Variants in KLHL1 observed in about 807,000 individuals in gnomAD.
The protein encoded by KLHL1 is kelch-like protein 1.
KLHL1 carries 47 observed loss-of-function variants against 77.7 expected under a neutral mutation model. The ratio of observed to expected loss-of-function variants is 0.60; its 90% CI spans 0.48 to 0.77. The LOEUF is 0.77. Among genes scored for constraint, KLHL1 ranks in the 30% least tolerant of loss-of-function variants. The probability of loss-of-function intolerance (pLI) is 0.00; values close to 1 mark genes in which losing one functional copy is unlikely to be tolerated. For synonymous variants in KLHL1, 360 were observed against 325.2 expected (o/e 1.11, Z -1.15); for missense variants, 925 against 910.8 (o/e 1.02, Z -0.20).
intron 1 of KLHL1, among the ~76,000 whole-genome samples, chr13:69,984,418 C>T (rs974743517): frequency 2.6e-5 from 4 of 152,098 alleles, no homozygotes; most frequent in Non-Finnish European, 5.9e-5. Context: ...ATTTTCATTG[C>T]CAACCACGTG....
intron 9 of KLHL1, among the ~76,000 whole-genome samples, chr13:69,710,666 AAAATG>A (rs1423297156): frequency 6.6e-6 from 1 of 152,160 alleles, no homozygotes; most frequent in Non-Finnish European, 1.5e-5. Flanking sequence ...TATTATCCCC[AAAATG>A]AAATAAGCAA....
chr13:69,750,775 GA>G (rs1874442635), intron 7 of KLHL1, among the ~76,000 whole-genome samples: 1 of 151,758 alleles, frequency 6.6e-6, no homozygotes. Context: ...TTGAGCCATA[GA>G]AAAAAATGTA....
In KLHL1 at chr13:69,931,748, G is replaced by T. The variant is rs142112795; in HGVS notation, c.1014+8292C>A. ...GAAATAAACAAAAATATTGAACACA[G>T]ACACTGAGTAGAAAATAAATCCATT... On this transcript the variant is annotated intron_variant, in intron 4 of 10. Coordinates refer to ENST00000377844, the MANE Select transcript of KLHL1 (RefSeq NM_020866.3). Among the ~76,000 whole-genome samples, 1,014 of 151,668 alleles carry T rather than the reference G, an allele frequency of 6.7e-3. 10 individuals carry two copies. Among genetic ancestry groups the T allele is most frequent in the African/African-American group, 0.021 (859 of 41,470 alleles).
intron 2 of KLHL1, among the ~76,000 whole-genome samples, chr13:69,972,491 A>C (rs1884414540): frequency 6.6e-6 from 1 of 151,866 alleles, no homozygotes; most frequent in African/African-American, 2.4e-5. Flanking sequence ...AACATATTGC[A>C]TGCTTGCTGT....
intron 4 of KLHL1, among the ~76,000 whole-genome samples, chr13:69,897,374 T>C (rs1356942307): frequency 6.6e-6 from 1 of 152,186 alleles, no homozygotes; most frequent in Non-Finnish European, 1.5e-5. Context: ...AAATGATGCT[T>C]TCAGTTAGCT....
intron 6 of KLHL1, among the ~76,000 whole-genome samples, chr13:69,801,701 TAAGAC>T (rs1237646674): frequency 2.6e-5 from 4 of 152,164 alleles, no homozygotes; most frequent in Admixed American, 6.6e-5. Context: ...CTATTTGATA[TAAGAC>T]AACATAGGAT....
At chr13:69,724,297 T>G (rs1418134568) in intron 8 of KLHL1, among the ~76,000 whole-genome samples, 1 of 152,122 alleles carries the variant, frequency 6.6e-6, no homozygotes, top group Non-Finnish European at 1.5e-5. Context: ...CTGACCACCT[T>G]GGGCACATGT....
chr13:69,798,132 T>C (rs1478738671), intron 6 of KLHL1, among the ~76,000 whole-genome samples: 1 of 152,200 alleles, frequency 6.6e-6, no homozygotes, highest in Non-Finnish European at 1.5e-5. Flanking sequence ...GATCTTGATG[T>C]AGTGTTTGAC....
intron 7 of KLHL1, among the ~76,000 whole-genome samples, chr13:69,764,044 C>T (rs565630504): frequency 6.6e-6 from 1 of 152,100 alleles, no homozygotes. Context: ...AGAATGACAT[C>T]TATGCCTGAA....
At chr13:69,971,297 T>TATCATC (rs577770091) in intron 2 of KLHL1, among the ~76,000 whole-genome samples, 11 of 151,766 alleles carry the variant, frequency 7.2e-5, no homozygotes, top group Non-Finnish European at 1.2e-4. Flanking sequence ...GAGTGTTAAC[T>TATCATC]ATCATCATCA....
At position 69,760,853 on chromosome 13, in the gene KLHL1, T is replaced by C. The variant is rs981538; in HGVS notation, c.1640-20297A>G. On this transcript the variant is annotated intron_variant, in intron 7 of 10. Transcript: ENST00000377844. Reference sequence around the variant, plus strand: ...AAAATACAATATAGTTTATTTTGAATGTCCCACTGTAATTTTAAATTATCT... The same window carrying C: ...AAAATACAATATAGTTTATTTTGAACGTCCCACTGTAATTTTAAATTATCT... Among the ~76,000 whole-genome samples the C allele has an allele frequency of 9.5e-3, 1,453 of 152,292 alleles. 25 individuals are homozygous for C. The highest frequency in any genetic ancestry group is 0.033 in the African/African-American group (1,366 of 41,564).
chr13:70,004,183 T>C (rs572748025), intron 1 of KLHL1, among the ~76,000 whole-genome samples: 2 of 151,834 alleles, frequency 1.3e-5, no homozygotes, highest in African/African-American at 4.8e-5. Context: ...TGAATATAAA[T>C]GGAAGGTCAG....
chr13:70,014,656 T>A (rs1433669240), intron 1 of KLHL1, among the ~76,000 whole-genome samples: 1 of 152,176 alleles, frequency 6.6e-6, no homozygotes, highest in Non-Finnish European at 1.5e-5. Context: ...GTTATTCCAA[T>A]TGCTGTAGGA....
chr13:69,736,276 CAT>C (rs1471106066), intron 8 of KLHL1, among the ~76,000 whole-genome samples: 3 of 152,008 alleles, frequency 2.0e-5, no homozygotes, highest in African/African-American at 7.2e-5. Flanking sequence ...GAGGAACAAA[CAT>C]ATGAAAAAAT....
chr13:70,029,185 T>C (rs1320136620), intron 1 of KLHL1, among the ~76,000 whole-genome samples: 2 of 152,082 alleles, frequency 1.3e-5, no homozygotes, highest in African/African-American at 4.8e-5. Context: ...GTGGAGACTA[T>C]TGTGAGATCT....
chr13:70,017,007 A>T (rs961224690), intron 1 of KLHL1, among the ~76,000 whole-genome samples: 21 of 152,158 alleles, frequency 1.4e-4, no homozygotes, highest in Admixed American at 7.9e-4. Flanking sequence ...CTGAACACTT[A>T]TATGGACAAC....
At chr13:69,995,711 A>G (rs1885134391) in intron 1 of KLHL1, among the ~76,000 whole-genome samples, 2 of 152,172 alleles carry the variant, frequency 1.3e-5, no homozygotes, top group South Asian at 4.1e-4. Context: ...AATATCCAGC[A>G]GCAGAGACTA....
In KLHL1 at chr13:69,952,253, A is replaced by T. The variant is rs990453493; in HGVS notation, c.817+9055T>A. On this transcript the variant is annotated intron_variant, in intron 3 of 10. Transcript: ENST00000377844. Reference sequence around the variant, plus strand: ...CAGAGTGCATAGCCCAGGAAAACACATGAAAATAATCAATGGCATATGTTT... The same window carrying T: ...CAGAGTGCATAGCCCAGGAAAACACTTGAAAATAATCAATGGCATATGTTT... 2.6e-5 allele frequency among the ~76,000 whole-genome samples: 4 copies of T among 151,628 alleles called. 1 individual carries two copies. The South Asian group carries it at 8.3e-4, about 31-fold the overall frequency.
rs75459199 is a variant in KLHL1, at chr13:69,989,390, G to C, written c.498-13588C>G. Among the ~76,000 whole-genome samples the C allele has an allele frequency of 6.3e-3, 960 of 152,032 alleles. 7 individuals carry two copies. The highest frequency in any genetic ancestry group is 0.022 in the African/African-American group (900 of 41,502). On this transcript the variant is annotated intron_variant, in intron 1 of 10. Transcript: ENST00000377844. Reference sequence around the variant, plus strand: ...AGTATGGTTTGAAGTCAGGAGTCAGGCAGTATGACTCCTCTAGATTTGTTC... The same window carrying C: ...AGTATGGTTTGAAGTCAGGAGTCAGCCAGTATGACTCCTCTAGATTTGTTC...
Sources: allele counts gnomAD v4.1 joint callset (sites outside exome capture counted in the v4.1 genomes callset), GRCh38; gene constraint gnomAD v4.1.1; transcripts MANE v1.5; gene names NCBI Gene and HGNC (gene_info 2026-07-23, HGNC 2026-07-21).